Variants in PLA2G4C observed in about 807,000 individuals in gnomAD.
The protein encoded by PLA2G4C is phospholipase A2 group IVC, also known as cytosolic phospholipase A2 gamma.
Under a neutral mutation model 73.8 loss-of-function variants are expected in PLA2G4C, and 64 were observed. The ratio of observed to expected loss-of-function variants is 0.87; its 90% CI spans 0.71 to 1.07. The LOEUF (loss-of-function observed/expected upper bound fraction) is 1.07. Among genes scored for constraint, PLA2G4C ranks in the 50% least tolerant of loss-of-function variants. The pLI, the probability that PLA2G4C is intolerant of heterozygous loss-of-function variation, is 0.00. For synonymous variants in PLA2G4C, 254 were observed against 252.1 expected (o/e 1.01, Z -0.07); for missense variants, 622 against 665.4 (o/e 0.93, Z 0.72).
intron 9 of PLA2G4C, 141 bp from the exon 10 acceptor site, chr19:48,085,253 A>G: frequency 1.5e-6 from 1 of 665,764 alleles, no homozygotes; most frequent in Non-Finnish European, 2.7e-6. Flanking sequence ...TTCCATAAAT[A>G]TTTATGAAGC....
intron 6 of PLA2G4C, chr19:48,096,595 C>T (rs1303674617): frequency 6.6e-6 from 1 of 152,504 alleles, no homozygotes; most frequent in African/African-American, 2.4e-5. Context: ...AACAAACAAA[C>T]AGACAAACAC....
At chr19:48,064,092 T>G (rs1443813414) in intron 13 of PLA2G4C, among the ~76,000 whole-genome samples, 1 of 152,192 alleles carries the variant, frequency 6.6e-6, no homozygotes, top group Non-Finnish European at 1.5e-5. Context: ...TGGGGAGATG[T>G]GCTCTGCTAC....
At chr19:48,055,099 C>A in intron 14 of PLA2G4C, 50 bp from the exon 15 acceptor site, 1 of 1,389,918 alleles carries the variant, frequency 7.2e-7, no homozygotes, top group Admixed American at 2.8e-5. Flanking sequence ...CAGAAGACCC[C>A]TCCAGAAGAC....
chr19:48,090,713 T>A, intron 7 of PLA2G4C: 2 of 388,674 alleles, frequency 5.1e-6, no homozygotes, highest in Non-Finnish European at 9.5e-6. Context: ...CAAGCTCCTG[T>A]CCATGCCAAC....
intron 14 of PLA2G4C, among the ~76,000 whole-genome samples, chr19:48,055,309 AG>A (rs1489866026): frequency 6.6e-6 from 1 of 151,238 alleles, no homozygotes; most frequent in African/African-American, 2.4e-5. Context: ...CGGGACTCAG[AG>A]GGCAAGGAAA....
chr19:48,083,397 T>C (rs1471183299), intron 10 of PLA2G4C, among the ~76,000 whole-genome samples: 3 of 142,308 alleles, frequency 2.1e-5, no homozygotes, highest in African/African-American at 5.8e-5. Context: ...CTTTTCTTTT[T>C]TTTTTTTTTT....
At chr19:48,050,673 C>CTTTGTTTTTTTTTT (rs1967690619) in intron 16 of PLA2G4C, among the ~76,000 whole-genome samples, 1 of 78,746 alleles carries the variant, frequency 1.3e-5, no homozygotes, top group Non-Finnish European at 2.4e-5. Context: ...GAGTATGTGA[C>CTTTGTTTTTTTTTT]TTTTTTTTTT....
intron 12 of PLA2G4C, 104 bp from the exon 13 acceptor site, chr19:48,067,990 T>C: frequency 2.4e-6 from 2 of 832,052 alleles, no homozygotes; most frequent in Non-Finnish European, 4.2e-6. Flanking sequence ...TGGGGTTGTA[T>C]CTGGAGACAG....
At chr19:48,071,696 G>C (rs1160132481) in intron 12 of PLA2G4C, among the ~76,000 whole-genome samples, 1 of 151,812 alleles carries the variant, frequency 6.6e-6, no homozygotes, top group South Asian at 2.1e-4. Flanking sequence ...CGACCCTCCC[G>C]CCTCAGCCTC....
chr19:48,093,039 T>A lies in PLA2G4C; in HGVS notation c.709+2425A>T, dbSNP rs139358570. Among the ~76,000 whole-genome samples the A allele has an allele frequency of 2.9e-3, 440 of 152,252 alleles. 1 individual carries two copies. Among genetic ancestry groups the A allele is most frequent in the African/African-American group, 8.7e-3 (361 of 41,546 alleles). ...TACATCTAAGGAAATAATAATGTTA[T>A]AGGGAGTACCTGGGAGTGACAATTT... On this transcript the variant is annotated intron_variant, in intron 7 of 16. Coordinates refer to ENST00000599921, the MANE Select transcript of PLA2G4C (RefSeq NM_003706.3).
At position 48,085,059 on chromosome 19, in the gene PLA2G4C, CA is replaced by C; in HGVS notation, c.843del (p.Phe281LeufsTer5). ...ANAKSIGHLI[F>X]ARLLRLQESS... Reference sequence around the variant, plus strand: ...ACCTTTCTGTTCCCCAAATACTCACCAAAAATAAGGTGTCCAATGCTTTTAG... The same window carrying C: ...ACCTTTCTGTTCCCCAAATACTCACCAAAATAAGGTGTCCAATGCTTTTAG... On this transcript the variant is annotated frameshift_variant and splice_region_variant, in exon 10 of 17. Coordinates refer to ENST00000599921, the MANE Select transcript of PLA2G4C (RefSeq NM_003706.3). LOFTEE classifies it high-confidence loss of function. 1 of 1,607,098 alleles carries C rather than the reference CA, an allele frequency of 6.2e-7. No homozygotes were observed. Among genetic ancestry groups the C allele is most frequent in the Non-Finnish European group, 8.5e-7 (1 of 1,173,640 alleles).
At position 48,063,499 on chromosome 19, in the gene PLA2G4C, C is replaced by T. The variant is rs974264592; in HGVS notation, c.1103-1347G>A. ...CTTTAACTTGGTGATTTTGGGGTCC[C>T]GAGATTTATTTTCCTTTCACAGCGT... is the stretch of plus-strand genomic sequence containing the variant. On this transcript the variant is annotated intron_variant, in intron 13 of 16. Coordinates refer to ENST00000599921, the MANE Select transcript of PLA2G4C (RefSeq NM_003706.3). 2.6e-5 allele frequency among the ~76,000 whole-genome samples: 4 copies of T among 151,826 alleles called. No individual in the cohort carries two copies. The East Asian group carries it at 5.8e-4, about 22-fold the overall frequency.
chr19:48,063,177 G>A (rs1968259496), intron 13 of PLA2G4C, among the ~76,000 whole-genome samples: 1 of 152,122 alleles, frequency 6.6e-6, no homozygotes, highest in Admixed American at 6.5e-5. Flanking sequence ...CCAAGTAGCT[G>A]GGATTACAGG....
chr19:48,100,110 G>A, intron 4 of PLA2G4C: 3 of 407,066 alleles, frequency 7.4e-6, no homozygotes, highest in Non-Finnish European at 8.7e-6. Flanking sequence ...TGGGAGAAAG[G>A]CCTCATCAGA....
In PLA2G4C at chr19:48,062,013, G is replaced by A. The variant is rs1340580684; in HGVS notation, c.1242C>T (p.Ala414=). 5.0e-6 allele frequency: 8 copies of A among 1,613,738 alleles called. No individual in the cohort carries two copies. The highest frequency in any genetic ancestry group is 1.7e-5 in the Admixed American group (1 of 59,972). ...VHLILSFDFS[A]GDPFETIRAT... ...TCTCGATTACCTCGAAAGGATCTCCGGCACTGAAGTCGAAGGAGAGGATGA... is the reference window on the plus strand; with the variant it reads ...TCTCGATTACCTCGAAAGGATCTCCAGCACTGAAGTCGAAGGAGAGGATGA... The change falls in exon 14 of 17, where the codon GCC becomes GCT. Residue 414 remains alanine (A), a synonymous_variant. Coordinates refer to ENST00000599921, the MANE Select transcript of PLA2G4C (RefSeq NM_003706.3).
intron 1 of PLA2G4C, 142 bp downstream of exon 1, chr19:48,110,345 C>CAAAA (rs58047530): frequency 1.9e-4 from 92 of 494,876 alleles, no homozygotes; most frequent in Non-Finnish European, 2.6e-4. Flanking sequence ...GATGCTGTCT[C>CAAAA]AAAAAAAAAT....
At chr19:48,101,700 G>T (rs891802184) in intron 4 of PLA2G4C, among the ~76,000 whole-genome samples, 1 of 132,278 alleles carries the variant, frequency 7.6e-6, no homozygotes, top group Admixed American at 7.7e-5. Context: ...TTGAGATGGA[G>T]TTTCACTCTT....
chr19:48,067,918 G>A (rs775238440), intron 12 of PLA2G4C, 32 bp from the exon 13 acceptor site: 1 of 1,474,972 alleles, frequency 6.8e-7, no homozygotes. Flanking sequence ...GCCAAGGTGA[G>A]TTCAGGAGAC....
chr19:48,059,830 A>G (rs8110487), intron 14 of PLA2G4C, among the ~76,000 whole-genome samples: 125,680 of 147,352 alleles, frequency 0.85, 53,718 homozygotes, highest in African/African-American at 0.93. Flanking sequence ...GTGCAATGGC[A>G]CAATCTTGGT....
Sources: allele counts gnomAD v4.1 joint callset (sites outside exome capture counted in the v4.1 genomes callset), GRCh38; gene constraint gnomAD v4.1.1; transcripts MANE v1.5; gene names NCBI Gene and HGNC (gene_info 2026-07-23, HGNC 2026-07-21).